Variants in KLHDC4 observed in about 807,000 individuals in gnomAD.
KLHDC4 encodes kelch domain containing 4, also known as kelch domain-containing protein 4.
KLHDC4 carries 90 observed loss-of-function variants against 62.4 expected under a neutral mutation model. That is an observed-to-expected ratio of 1.44 (90% CI 1.22 to 1.72). The LOEUF (loss-of-function observed/expected upper bound fraction) is 1.72, where lower values mean the gene tolerates loss of function less well. KLHDC4 is among the 40% of genes most tolerant of loss of function. The pLI, the probability that KLHDC4 is intolerant of heterozygous loss-of-function variation, is 0.00. For synonymous variants in KLHDC4, 386 were observed against 284.4 expected (o/e 1.36, Z -3.59); for missense variants, 1,025 against 699.7 (o/e 1.47, Z -5.25).
At chr16:87,708,323 G>T in intron 11 of KLHDC4, 27 bp downstream of exon 11, 2 of 1,455,234 alleles carry the variant, frequency 1.4e-6, no homozygotes, top group Non-Finnish European at 1.9e-6. Flanking sequence ...CAGCAGCCGC[G>T]CCACCCGCCA....
chr16:87,708,907 G>A (rs1003697807), intron 10 of KLHDC4, among the ~76,000 whole-genome samples: 2 of 152,380 alleles, frequency 1.3e-5, no homozygotes, highest in South Asian at 4.1e-4. Flanking sequence ...CAGCAGAGGG[G>A]CCCTGGGTCA....
rs766266302 is a variant in KLHDC4, at chr16:87,748,695, T to G, written c.484A>C (p.Thr162Pro). The G allele has an allele frequency of 9.3e-6, 15 of 1,613,536 alleles. No homozygotes were observed. Among genetic ancestry groups the G allele is most frequent in the Non-Finnish European group, 1.2e-5 (14 of 1,179,940 alleles). ...TACTTGACTTGTTCCCAGGTCTTGG[T>G]GGCCAAATGCAGGACCCAGAGATCC... The part of the protein sequence containing the change: ...YKDLWVLHLA[T>P]KTWEQVKSTG... The change falls in exon 5 of 12, where the codon ACC (threonine) becomes CCC (proline). Residue 162 changes from threonine to proline, a missense_variant. Coordinates refer to ENST00000270583, the MANE Select transcript of KLHDC4 (RefSeq NM_017566.4).
intron 6 of KLHDC4, among the ~76,000 whole-genome samples, chr16:87,727,469 G>A (rs1380369739): frequency 6.6e-6 from 1 of 152,214 alleles, no homozygotes; most frequent in East Asian, 1.9e-4. Flanking sequence ...CTGGAGGGGT[G>A]AGCGAGGGGA....
intron 5 of KLHDC4, among the ~76,000 whole-genome samples, chr16:87,732,267 T>C (rs894084314): frequency 1.3e-5 from 2 of 152,082 alleles, no homozygotes; most frequent in African/African-American, 4.8e-5. Flanking sequence ...AGCTAATTTT[T>C]GTATTTTTAG....
chr16:87,735,529 T>G (rs541864121), intron 5 of KLHDC4, among the ~76,000 whole-genome samples: 1 of 152,170 alleles, frequency 6.6e-6, no homozygotes, highest in Non-Finnish European at 1.5e-5. Context: ...CAGAGTCTCA[T>G]CCTCTGGCTG....
At chr16:87,712,445 G>A (rs183423279) in intron 8 of KLHDC4, among the ~76,000 whole-genome samples, 1 of 152,364 alleles carries the variant, frequency 6.6e-6, no homozygotes, top group African/African-American at 2.4e-5. Context: ...ACACAGGGCA[G>A]GACCCTCTCC....
At chr16:87,713,384 G>T (rs1379219683) in intron 8 of KLHDC4, among the ~76,000 whole-genome samples, 1 of 151,668 alleles carries the variant, frequency 6.6e-6, no homozygotes, top group African/African-American at 2.4e-5. Context: ...TTTTTTAAGA[G>T]ATGGTGTGTC....
At chr16:87,730,299 G>A (rs1224822908) in intron 6 of KLHDC4, among the ~76,000 whole-genome samples, 1 of 152,202 alleles carries the variant, frequency 6.6e-6, no homozygotes, top group Non-Finnish European at 1.5e-5. Flanking sequence ...TGCAGGACCT[G>A]GTGTAAAATT....
chr16:87,727,105 G>T (rs1193119770), intron 6 of KLHDC4, among the ~76,000 whole-genome samples, 181 bp from the exon 7 acceptor site: 1 of 152,158 alleles, frequency 6.6e-6, no homozygotes, highest in Non-Finnish European at 1.5e-5. Flanking sequence ...CGCTTTCCCT[G>T]CAACGAGCCA....
At chr16:87,735,451 G>C (rs977406730) in intron 5 of KLHDC4, among the ~76,000 whole-genome samples, 9 of 152,192 alleles carry the variant, frequency 5.9e-5, no homozygotes, top group Non-Finnish European at 1.3e-4. Flanking sequence ...CCCATAGATG[G>C]GGCGCCCCCC....
intron 2 of KLHDC4, among the ~76,000 whole-genome samples, chr16:87,760,235 A>C (rs1282296838): frequency 7.3e-6 from 1 of 136,604 alleles, no homozygotes; most frequent in Non-Finnish European, 1.6e-5. Context: ...AAATATCATT[A>C]AAAAAAAAAA....
chr16:87,701,587 T>TG (rs1488177064), exon 1 of KLHDC4: 1 of 418,776 alleles, frequency 2.4e-6, no homozygotes, highest in African/African-American at 2.0e-5. Flanking sequence ...CCCAGGCCGC[T>TG]GGGTTTCTGG....
chr16:87,744,259 T>C (rs1348601683), intron 5 of KLHDC4, among the ~76,000 whole-genome samples: 1 of 151,868 alleles, frequency 6.6e-6, no homozygotes, highest in Non-Finnish European at 1.5e-5. Context: ...CTACTAAAAG[T>C]ACAAAATTAG....
chr16:87,735,834 A>G (rs2143008680), intron 5 of KLHDC4, among the ~76,000 whole-genome samples: 1 of 152,292 alleles, frequency 6.6e-6, no homozygotes, highest in South Asian at 2.1e-4. Flanking sequence ...TGCGTGCAGG[A>G]TGGAGCTCCA....
intron 2 of KLHDC4, among the ~76,000 whole-genome samples, chr16:87,756,901 A>C (rs528866980): frequency 2.7e-4 from 41 of 151,094 alleles, no homozygotes; most frequent in African/African-American, 9.5e-4. Context: ...ACAACCTCCA[A>C]CTCCTGGGTT....
chr16:87,712,943 C>A (rs148616853), intron 8 of KLHDC4, among the ~76,000 whole-genome samples: 1 of 152,216 alleles, frequency 6.6e-6, no homozygotes, highest in Non-Finnish European at 1.5e-5. Flanking sequence ...GCACTGGGGA[C>A]GCTAAACTCC....
rs1240369392 is a variant in KLHDC4 at position 87,739,626 on chromosome 16, CCATCCACACACCAGCACGTCATA to C, written c.507-9005_507-8983del. ...ATCCATCCACACACCAGCACGTCAT[CCATCCACACACCAGCACGTCATA>C]CATCCACACACCAGCACCTCATCTG... On this transcript the variant is annotated intron_variant, in intron 5 of 11. Transcript: ENST00000270583. 614 of 151,426 alleles carry C rather than the reference CCATCCACACACCAGCACGTCATA, an allele frequency of 4.1e-3. 9 individuals are homozygous for C. The highest frequency in any genetic ancestry group is 0.011 in the African/African-American group (433 of 39,872). The allele number at this position is 151,426 out of a possible 1,614,324, so 9.4% of individuals were successfully genotyped here.
At position 87,765,872 on chromosome 16, in the gene KLHDC4, T is replaced by G. The variant is rs752395417; in HGVS notation, c.19A>C (p.Lys7Gln). Residue 7 changes from lysine (K) to glutamine (Q), a missense_variant, in exon 1 of 12, where the codon AAG becomes CAG. Lys to Gln is a moderately conservative substitution (Grantham distance 53). Coordinates refer to ENST00000270583, the MANE Select transcript of KLHDC4 (RefSeq NM_017566.4). ...TCCGCGCCGCGGCCCTTCTTCTCCTTCTTGCCCTTCTTGCCCATCTTGCCG... is the reference window on the plus strand; with the variant it reads ...TCCGCGCCGCGGCCCTTCTTCTCCTGCTTGCCCTTCTTGCCCATCTTGCCG... MGKKGKKEKKGRGAEKT... is the reference protein window; with the variant it reads MGKKGKQEKKGRGAEKT... 95 of 1,550,734 alleles carry G rather than the reference T, an allele frequency of 6.1e-5. 1 individual carries two copies. The Admixed American group carries it at 1.2e-3, about 19-fold the overall frequency.
intron 5 of KLHDC4, among the ~76,000 whole-genome samples, chr16:87,741,582 T>C (rs1279502961): frequency 1.3e-5 from 2 of 152,124 alleles, no homozygotes; most frequent in Non-Finnish European, 2.9e-5. Flanking sequence ...GTGGAAAAAC[T>C]GTCTTCCGTG....
Sources: gnomAD v4.1 joint callset for allele counts (sites outside exome capture counted in the v4.1 genomes callset) on GRCh38, gnomAD v4.1.1 for gene constraint, MANE v1.5 for transcripts, NCBI Gene and HGNC (gene_info 2026-07-23, HGNC 2026-07-21) for gene names.